Variants in SDK1 observed in about 807,000 individuals in gnomAD.
SDK1 encodes the protein sidekick cell adhesion molecule 1.
Under a neutral mutation model 245.5 loss-of-function variants are expected in SDK1, and 157 were observed. The ratio of observed to expected loss-of-function variants is 0.64; its 90% CI spans 0.56 to 0.73. The LOEUF (loss-of-function observed/expected upper bound fraction) is 0.73. Ranked by LOEUF, SDK1 falls within the 30% of genes least tolerant of loss-of-function variation. The pLI is 0.00. For missense variants in SDK1, 3,583 were observed against 3,002.3 expected (o/e 1.19, Z -4.52); for synonymous variants, 1,647 against 1,278.5 (o/e 1.29, Z -6.15).
chr7:3,386,858 A>G (rs957545663), intron 1 of SDK1, among the ~76,000 whole-genome samples: 6 of 152,164 alleles, frequency 3.9e-5, no homozygotes, highest in African/African-American at 1.2e-4. Context: ...AGTAGACAAC[A>G]TATGTCATAA....
intron 4 of SDK1, among the ~76,000 whole-genome samples, chr7:3,753,368 A>G (rs1239905559): frequency 6.6e-6 from 1 of 152,206 alleles, no homozygotes; most frequent in African/African-American, 2.4e-5. Flanking sequence ...TAGAGATGCA[A>G]GCATGCAGGT....
intron 35 of SDK1, among the ~76,000 whole-genome samples, chr7:4,192,849 T>G (rs1307638182): frequency 6.6e-6 from 1 of 151,854 alleles, no homozygotes; most frequent in Non-Finnish European, 1.5e-5. Context: ...CCCTCCCGTG[T>G]GATCCTCAAG....
At chr7:3,708,341 T>C (rs924201672) in intron 4 of SDK1, among the ~76,000 whole-genome samples, 1 of 115,798 alleles carries the variant, frequency 8.6e-6, no homozygotes, top group African/African-American at 3.4e-5. Flanking sequence ...CACCAGGCCC[T>C]CCATACCTCC....
intron 5 of SDK1, among the ~76,000 whole-genome samples, chr7:3,854,310 T>A (rs1227223290): frequency 1.3e-5 from 2 of 152,208 alleles, no homozygotes; most frequent in African/African-American, 4.8e-5. Flanking sequence ...AGACCTTAGA[T>A]GCCTTATCTG....
intron 1 of SDK1, among the ~76,000 whole-genome samples, chr7:3,555,029 A>G (rs1779544308): frequency 1.3e-5 from 2 of 152,222 alleles, no homozygotes; most frequent in East Asian, 1.9e-4. Context: ...TATAGATTCA[A>G]TGCAATCCCT....
intron 1 of SDK1, among the ~76,000 whole-genome samples, chr7:3,384,617 T>G (rs1055465618): frequency 3.9e-5 from 6 of 152,214 alleles, no homozygotes; most frequent in Non-Finnish European, 7.3e-5. Context: ...TTCGCTGATT[T>G]GTGTTCTACA....
chr7:3,757,348 G>A (rs1385408142), intron 4 of SDK1, among the ~76,000 whole-genome samples: 1 of 151,984 alleles, frequency 6.6e-6, no homozygotes, highest in African/African-American at 2.4e-5. Context: ...ATCCTCCCTT[G>A]TCAGCCTCCT....
chr7:4,249,441 C>T (rs1333983928), intron 44 of SDK1, among the ~76,000 whole-genome samples: 1 of 152,212 alleles, frequency 6.6e-6, no homozygotes. Flanking sequence ...CCTGCAAATG[C>T]ACCTCATGGT....
intron 4 of SDK1, among the ~76,000 whole-genome samples, chr7:3,658,867 T>C (rs1308201138): frequency 1.3e-5 from 2 of 152,110 alleles, no homozygotes; most frequent in African/African-American, 4.8e-5. Flanking sequence ...ATCCGCCCAC[T>C]TCAGCCTCTC....
At chr7:3,962,908 AG>A in intron 9 of SDK1, 57 bp downstream of exon 9, 1 of 1,238,132 alleles carries the variant, frequency 8.1e-7, no homozygotes, top group Non-Finnish European at 1.1e-6. Context: ...GAGTACACTC[AG>A]CCCCATGGCT....
At position 4,092,007 on chromosome 7, in the gene SDK1, C is replaced by G. The variant is rs191584594; in HGVS notation, c.3324+12423C>G. On this transcript the variant is annotated intron_variant, in intron 22 of 44. Coordinates refer to ENST00000404826, the MANE Select transcript of SDK1 (RefSeq NM_152744.4). ...GTGACAAGCAGCGAGCAGAACAAAA[C>G]CGTCGGGCGTGTAGACACAAGCAGC... Among the ~76,000 whole-genome samples, 515 of 152,240 alleles carry G rather than the reference C, an allele frequency of 3.4e-3. 3 individuals are homozygous for G. Among genetic ancestry groups the G allele is most frequent in the South Asian group, 0.031 (149 of 4,818 alleles).
At chr7:3,940,150 A>C (rs2128120998) in intron 5 of SDK1, among the ~76,000 whole-genome samples, 1 of 151,558 alleles carries the variant, frequency 6.6e-6, no homozygotes, top group Middle Eastern at 3.4e-3. Context: ...CCCTGGCTGC[A>C]GAAACTGACC....
chr7:4,191,145 C>G (rs944992089), intron 35 of SDK1, among the ~76,000 whole-genome samples: 1 of 152,170 alleles, frequency 6.6e-6, no homozygotes, highest in Non-Finnish European at 1.5e-5. Flanking sequence ...CTCTGAGGTC[C>G]TGCCAGGCCA....
intron 22 of SDK1, among the ~76,000 whole-genome samples, chr7:4,087,791 G>T (rs1244245586): frequency 1.3e-5 from 2 of 152,112 alleles, no homozygotes; most frequent in Non-Finnish European, 2.9e-5. Flanking sequence ...TCCCAGCTCT[G>T]TAGACGTGCT....
intron 1 of SDK1, among the ~76,000 whole-genome samples, chr7:3,444,406 A>C (rs927799222): frequency 3.3e-5 from 5 of 151,750 alleles, no homozygotes; most frequent in Non-Finnish European, 7.4e-5. Context: ...TTATTTTTGT[A>C]TTTCTGTGTT....
chr7:3,618,900 A>G (rs1223227827), intron 1 of SDK1, among the ~76,000 whole-genome samples, 180 bp from the exon 2 acceptor site: 1 of 152,286 alleles, frequency 6.6e-6, no homozygotes, highest in South Asian at 2.1e-4. Context: ...TTGAAATATT[A>G]TCTGGGGTAT....
At chr7:3,784,802 C>A (rs562473414) in intron 4 of SDK1, among the ~76,000 whole-genome samples, 3 of 151,892 alleles carry the variant, frequency 2.0e-5, no homozygotes, top group Non-Finnish European at 4.4e-5. Flanking sequence ...GGAGATTCCT[C>A]AAAAAAAATG....
At chr7:3,603,473 G>T (rs1252806394) in intron 1 of SDK1, among the ~76,000 whole-genome samples, 8 of 151,168 alleles carry the variant, frequency 5.3e-5, no homozygotes, top group Admixed American at 2.7e-4. Flanking sequence ...TCATGATTTG[G>T]CTCTCTGTTT....
chr7:3,591,205 T>A (rs1780862140), intron 1 of SDK1, among the ~76,000 whole-genome samples: 1 of 152,212 alleles, frequency 6.6e-6, no homozygotes, highest in Non-Finnish European at 1.5e-5. Context: ...ATCTTTAATG[T>A]TTTTATGTGT....
Sources: allele counts gnomAD v4.1 joint callset (sites outside exome capture counted in the v4.1 genomes callset), GRCh38; gene constraint gnomAD v4.1.1; transcripts MANE v1.5; gene names NCBI Gene and HGNC (gene_info 2026-07-23, HGNC 2026-07-21).